The following DGKB variants were observed in gnomAD, a reference collection of about 807,000 sequenced individuals.
The protein encoded by DGKB is 90 kDa diacylglycerol kinase.
In DGKB, 67 loss-of-function variants were observed where a neutral mutation model predicts 114.3. The observed-to-expected ratio is 0.59, with a 90% confidence interval of 0.48 to 0.72. DGKB has a LOEUF of 0.72. DGKB is among the 30% of genes least tolerant of loss of function. The pLI is 0.00. For synonymous variants in DGKB, 398 were observed against 323.1 expected, an observed-to-expected ratio of 1.23 and a Z score of -2.49; for missense variants, 907 against 975.2, an observed-to-expected ratio of 0.93 and a Z score of 0.93.
chr7:14,191,536 T>G (rs1335670464), intron 23 of DGKB: 32 of 192,610 alleles, frequency 1.7e-4, no homozygotes, highest in Non-Finnish European at 1.2e-5. Flanking sequence ...GGTCTGCCTC[T>G]CCAGGATTTC....
rs138900228 is a variant in DGKB, at chr7:14,844,933, C to G, written c.-187-3483G>C. Among the ~76,000 whole-genome samples the G allele has an allele frequency of 7.5e-4, 113 of 151,614 alleles. 2 individuals carry two copies. In the East Asian group the frequency reaches 0.021, roughly 28 times the overall value. On this transcript the variant is annotated intron_variant, in intron 1 of 25. Transcript: ENST00000402815. The stretch of plus-strand genomic sequence containing the variant: ...ACCAGCCTGGGCAACATGGAGAAAC[C>G]CTGTCTCTACCAAAAATACAAAAAT...
chr7:14,472,549 T>C (rs1042371744), intron 21 of DGKB, among the ~76,000 whole-genome samples: 3 of 152,144 alleles, frequency 2.0e-5, no homozygotes, highest in African/African-American at 7.2e-5. Context: ...ACCAGTAGAA[T>C]GGGGCACTGC....
At chr7:14,654,225 C>G (rs1815291652) in intron 13 of DGKB, among the ~76,000 whole-genome samples, 1 of 151,990 alleles carries the variant, frequency 6.6e-6, no homozygotes, top group Admixed American at 6.6e-5. Flanking sequence ...AAATCAGTAG[C>G]ATTCCTATTT....
chr7:14,806,721 T>C (rs1355740998), intron 2 of DGKB, among the ~76,000 whole-genome samples: 1 of 151,996 alleles, frequency 6.6e-6, no homozygotes, highest in Non-Finnish European at 1.5e-5. Context: ...ATTTGCCTAT[T>C]TGGTATTCAT....
intron 2 of DGKB, among the ~76,000 whole-genome samples, chr7:14,821,882 G>A (rs1416129903): frequency 1.3e-5 from 2 of 152,272 alleles, no homozygotes; most frequent in East Asian, 3.9e-4. Context: ...CTTACAGTGG[G>A]AACAGCATAA....
intron 13 of DGKB, among the ~76,000 whole-genome samples, chr7:14,660,734 C>A (rs1816881220): frequency 6.6e-6 from 1 of 151,838 alleles, no homozygotes; most frequent in Non-Finnish European, 1.5e-5. Flanking sequence ...AAAAAAGAGC[C>A]CGCATCGCCA....
chr7:14,900,555 T>C (rs1006576995), intron 1 of DGKB, among the ~76,000 whole-genome samples: 3 of 152,150 alleles, frequency 2.0e-5, no homozygotes, highest in Non-Finnish European at 2.9e-5. Context: ...ATCTGGCTTG[T>C]CTGACTACAA....
Position 14,790,001 on chromosome 7 carries a change from A to G in DGKB, c.71-32270T>C, listed in dbSNP as rs1322765242. Among the ~76,000 whole-genome samples, 4 of 152,090 alleles carry G rather than the reference A, an allele frequency of 2.6e-5. No homozygotes were observed. In the South Asian group the frequency reaches 8.3e-4, roughly 31 times the overall value. On this transcript the variant is annotated intron_variant, in intron 2 of 25. Transcript: ENST00000402815. Reference sequence around the variant, plus strand: ...TAGCTATTCTAATAGCTGAATAATGATATCTCTTTTTGGTTTTGATTGCAT... The same window carrying G: ...TAGCTATTCTAATAGCTGAATAATGGTATCTCTTTTTGGTTTTGATTGCAT...
chr7:14,347,196 C>T (rs1812626038), intron 21 of DGKB, among the ~76,000 whole-genome samples: 1 of 151,752 alleles, frequency 6.6e-6, no homozygotes, highest in Admixed American at 6.6e-5. Context: ...CCCTTATCTG[C>T]CAGGACTGAG....
chr7:14,174,647 C>G (rs1781460628), intron 25 of DGKB, among the ~76,000 whole-genome samples: 2 of 152,132 alleles, frequency 1.3e-5, no homozygotes, highest in African/African-American at 2.4e-5. Flanking sequence ...ACAACCACCA[C>G]CATTGCAACT....
chr7:14,955,584 C>T (rs1334005874), intron 1 of DGKB, among the ~76,000 whole-genome samples: 1 of 151,978 alleles, frequency 6.6e-6, no homozygotes, highest in Non-Finnish European at 1.5e-5. Context: ...TGTAAACGTT[C>T]AGTTTAAGCA....
intron 21 of DGKB, among the ~76,000 whole-genome samples, chr7:14,457,630 G>C (rs1832469980): frequency 1.3e-5 from 2 of 152,110 alleles, no homozygotes; most frequent in South Asian, 4.1e-4. Flanking sequence ...TCAACACTTT[G>C]ACTTTTAGTT....
At chr7:14,320,608 T>A (rs997266081) in intron 23 of DGKB, among the ~76,000 whole-genome samples, 1 of 151,882 alleles carries the variant, frequency 6.6e-6, no homozygotes, top group African/African-American at 2.4e-5. Context: ...AGTACATATA[T>A]GTGGTACATA....
At chr7:14,683,417 C>T (rs560004502) in intron 10 of DGKB, among the ~76,000 whole-genome samples, 5 of 152,146 alleles carry the variant, frequency 3.3e-5, no homozygotes, top group East Asian at 1.9e-4. Flanking sequence ...CTTTGCTGGG[C>T]GGCATATTGT....
chr7:14,159,296 G>T (rs1400162675), intron 25 of DGKB, among the ~76,000 whole-genome samples: 2 of 151,968 alleles, frequency 1.3e-5, no homozygotes, highest in African/African-American at 4.8e-5. Context: ...TCTCTTTGGG[G>T]CCTAGTTATA....
At chr7:14,705,684 T>G (rs1309757186) in intron 6 of DGKB, among the ~76,000 whole-genome samples, 2 of 150,288 alleles carry the variant, frequency 1.3e-5, no homozygotes, top group Admixed American at 6.7e-5. Flanking sequence ...GAAAAGAATT[T>G]TCAACCCAGA....
chr7:14,665,694 T>G (rs1817909337), intron 13 of DGKB, among the ~76,000 whole-genome samples: 1 of 152,030 alleles, frequency 6.6e-6, no homozygotes, highest in Non-Finnish European at 1.5e-5. Context: ...CAAGTCTTCT[T>G]TTGTTGATGG....
chr7:14,785,383 T>C (rs1839734280), intron 2 of DGKB, among the ~76,000 whole-genome samples: 4 of 152,170 alleles, frequency 2.6e-5, no homozygotes, highest in Admixed American at 2.6e-4. Context: ...TGATTTACTT[T>C]GGCTCTTAAT....
chr7:14,908,198 A>G (rs536435442), upstream of DGKB, among the ~76,000 whole-genome samples: 9 of 152,354 alleles, frequency 5.9e-5, no homozygotes, highest in African/African-American at 2.2e-4. Flanking sequence ...AAGAGAAGGC[A>G]TACATATTGT....
Sources: allele counts gnomAD v4.1 joint callset (sites outside exome capture counted in the v4.1 genomes callset), GRCh38; gene constraint gnomAD v4.1.1; transcripts MANE v1.5; gene names NCBI Gene and HGNC (gene_info 2026-07-23, HGNC 2026-07-21).